Variants in SLC2A10 observed in about 807,000 individuals in gnomAD.
SLC2A10 encodes solute carrier family 2, facilitated glucose transporter member 10.
A neutral mutation model predicts 32.1 loss-of-function variants in SLC2A10; 25 were observed. That is an observed-to-expected ratio of 0.78 (90% CI 0.57 to 1.09). The LOEUF (loss-of-function observed/expected upper bound fraction) is 1.09, where lower values mean the gene tolerates loss of function less well. Ranked by LOEUF, SLC2A10 falls within the 50% of genes least tolerant of loss-of-function variation. SLC2A10 has a pLI of 0.00. For synonymous variants in SLC2A10, 332 were observed against 309.6 expected (o/e 1.07, Z -0.76); for missense variants, 673 against 686.5 (o/e 0.98, Z 0.22).
At chr20:46,709,885 G>C in intron 1 of SLC2A10, 145 bp downstream of exon 1, 1 of 895,872 alleles carries the variant, frequency 1.1e-6, no homozygotes, top group South Asian at 1.5e-5. Flanking sequence ...TGGCCAGCCC[G>C]AGACTGCAGG....
At position 46,709,699 on chromosome 20, in the gene SLC2A10, C is replaced by G. The variant is rs894023957; in HGVS notation, c.-38C>G. The G allele has an allele frequency of 1.2e-5, 18 of 1,539,198 alleles. No individual in the cohort carries two copies. The highest frequency in any genetic ancestry group is 1.6e-5 in the Non-Finnish European group (18 of 1,143,238). On this transcript the variant is annotated 5_prime_UTR_variant, in exon 1 of 5. Coordinates refer to ENST00000359271, the MANE Select transcript of SLC2A10 (RefSeq NM_030777.4). The stretch of plus-strand genomic sequence containing the variant: ...TCCGGCGGGGGATGCGCGCCCGGCC[C>G]CTCAGCGCCCCCAGCACGCCGCCGA...
intron 1 of SLC2A10, among the ~76,000 whole-genome samples, chr20:46,720,692 C>T (rs1036066610): frequency 6.6e-6 from 1 of 152,168 alleles, no homozygotes; most frequent in African/African-American, 2.4e-5. Context: ...GTCATGTACT[C>T]AGGAATCTTT....
chr20:46,720,232 A>C (rs1186508112), intron 1 of SLC2A10, among the ~76,000 whole-genome samples: 2 of 152,186 alleles, frequency 1.3e-5, no homozygotes, highest in African/African-American at 4.8e-5. Flanking sequence ...GAAGCTTAAG[A>C]ATGTCTTTAA....
At chr20:46,717,198 G>C (rs1410534995) in intron 1 of SLC2A10, among the ~76,000 whole-genome samples, 1 of 152,002 alleles carries the variant, frequency 6.6e-6, no homozygotes, top group Non-Finnish European at 1.5e-5. Context: ...CATAGAAAAT[G>C]TAACACTCAG....
chr20:46,726,165 C>T lies in SLC2A10; in HGVS notation c.1129C>T (p.His377Tyr). 1.9e-6 allele frequency: 3 copies of T among 1,614,286 alleles called. No homozygotes were observed. Among genetic ancestry groups the T allele is most frequent in the Admixed American group, 1.7e-5 (1 of 60,038 alleles). Residue 377 changes from histidine (H) to tyrosine (Y), a missense_variant, in exon 2 of 5, where the codon CAT becomes TAT. Coordinates refer to ENST00000359271, the MANE Select transcript of SLC2A10 (RefSeq NM_030777.4). Reference protein sequence around the residue: ...ILSTAKKTKPHPRSGDPSAPP... With the variant: ...ILSTAKKTKPYPRSGDPSAPP... Reference sequence around the variant, plus strand: ...GTCCACTGCTAAGAAAACCAAGCCCCATCCCAGATCTGGAGACCCCTCAGC... The same window carrying T: ...GTCCACTGCTAAGAAAACCAAGCCCTATCCCAGATCTGGAGACCCCTCAGC...
chr20:46,725,798 C>T lies in SLC2A10; in HGVS notation c.762C>T (p.Ala254=). Residue 254 remains alanine, a synonymous_variant, in exon 2 of 5, where the codon GCC becomes GCT. Coordinates refer to ENST00000359271, the MANE Select transcript of SLC2A10 (RefSeq NM_030777.4). ...GGCAGCCCAACGTGCTGTGCTATGC[C>T]TCCACCATCTTCAGCTCCGTTGGTT... ...LTGQPNVLCY[A]STIFSSVGFH... 6.2e-7 allele frequency: 1 copy of T among 1,614,244 alleles called. No homozygotes were observed. Among genetic ancestry groups the T allele is most frequent in the Non-Finnish European group, 8.5e-7 (1 of 1,180,036 alleles).
chr20:46,709,748 C>A lies in SLC2A10; in HGVS notation c.4+8C>A. On this transcript the variant is annotated splice_region_variant and intron_variant, in intron 1 of 4. Coordinates refer to ENST00000359271, the MANE Select transcript of SLC2A10 (RefSeq NM_030777.4). ...GAGTCCCGCTCGCCATGGGTAAGTC[C>A]CGATCGGGCGCTGCCTGCTGGAAGC... 1 of 1,547,866 alleles carries A rather than the reference C, an allele frequency of 6.5e-7. No individual in the cohort carries two copies.
intron 1 of SLC2A10, among the ~76,000 whole-genome samples, chr20:46,713,897 T>C (rs1238478542): frequency 6.6e-6 from 1 of 152,116 alleles, no homozygotes; most frequent in Non-Finnish European, 1.5e-5. Context: ...ATAAAGGAAC[T>C]TGCAGTGTGA....
At position 46,725,784 on chromosome 20, in the gene SLC2A10, G is replaced by A. The variant is rs759243623; in HGVS notation, c.748G>A (p.Val250Met). 4 of 1,614,220 alleles carry A rather than the reference G, an allele frequency of 2.5e-6. No individual in the cohort carries two copies. Among genetic ancestry groups the A allele is most frequent in the East Asian group, 2.2e-5 (1 of 44,882 alleles). Reference protein sequence around the residue: ...LFQQLTGQPNVLCYASTIFSS... With the variant: ...LFQQLTGQPNMLCYASTIFSS... ...CCAGCAACTAACAGGGCAGCCCAAC[G>A]TGCTGTGCTATGCCTCCACCATCTT... The change falls in exon 2 of 5, where the codon GTG becomes ATG. Residue 250 changes from valine (V) to methionine (M), a missense_variant. By Grantham distance (21) the Val-to-Met change is conservative. Coordinates refer to ENST00000359271, the MANE Select transcript of SLC2A10 (RefSeq NM_030777.4).
chr20:46,720,916 A>G (rs563423719), intron 1 of SLC2A10, among the ~76,000 whole-genome samples: 1 of 152,312 alleles, frequency 6.6e-6, no homozygotes, highest in African/African-American at 2.4e-5. Flanking sequence ...ATCTTCTAAT[A>G]ATAATCATCT....
Position 46,709,754 on chromosome 20 carries a change from G to T in SLC2A10, c.4+14G>T, listed in dbSNP as rs750912876. The T allele has an allele frequency of 1.9e-6, 3 of 1,547,530 alleles. No homozygotes were observed. Among genetic ancestry groups the T allele is most frequent in the Non-Finnish European group, 2.6e-6 (3 of 1,146,202 alleles). On this transcript the variant is annotated intron_variant, in intron 1 of 4. Transcript: ENST00000359271. ...CGCTCGCCATGGGTAAGTCCCGATC[G>T]GGCGCTGCCTGCTGGAAGCCCGACC...
At chr20:46,714,907 T>C (rs1372338787) in intron 1 of SLC2A10, among the ~76,000 whole-genome samples, 1 of 152,204 alleles carries the variant, frequency 6.6e-6, no homozygotes, top group Non-Finnish European at 1.5e-5. Context: ...TCCTGAGAGC[T>C]CTTTCCCCTC....
chr20:46,726,099 C>T lies in SLC2A10; in HGVS notation c.1063C>T (p.Pro355Ser). 1 of 1,614,272 alleles carries T rather than the reference C, an allele frequency of 6.2e-7. No individual in the cohort carries two copies. Among genetic ancestry groups the T allele is most frequent in the Non-Finnish European group, 8.5e-7 (1 of 1,180,058 alleles). ...SGLLQDSSLP[P>S]IPRTNEDQRE... ...CCTGCTGCAGGACTCCTCTCTACCT[C>T]CCATTCCAAGGACCAATGAGGACCA... Residue 355 changes from proline (P) to serine (S), a missense_variant, in exon 2 of 5, where the codon CCC (proline) becomes TCC (serine). Coordinates refer to ENST00000359271, the MANE Select transcript of SLC2A10 (RefSeq NM_030777.4).
At chr20:46,723,312 C>T (rs1979664516) in intron 1 of SLC2A10, among the ~76,000 whole-genome samples, 1 of 152,142 alleles carries the variant, frequency 6.6e-6, no homozygotes, top group South Asian at 2.1e-4. Context: ...AGCTGTTTCC[C>T]TCCTCACCCT....
chr20:46,732,973 G>A (rs766005356), intron 4 of SLC2A10, among the ~76,000 whole-genome samples: 4 of 152,174 alleles, frequency 2.6e-5, no homozygotes, highest in Non-Finnish European at 5.9e-5. Context: ...TGGCCAAGGC[G>A]TGATGAGCAA....
chr20:46,710,877 C>CTT lies in SLC2A10; in HGVS notation c.4+1146_4+1147dup, dbSNP rs368986918. Among the ~76,000 whole-genome samples the CTT allele has an allele frequency of 4.0e-5, 6 of 149,844 alleles. No individual in the cohort carries two copies. In the East Asian group the frequency reaches 7.8e-4, roughly 20 times the overall value. The stretch of plus-strand genomic sequence containing the variant: ...GGGGCCGTGACCTGAATTATCTTTT[C>CTT]TTTTTTTTTTCTTTTTTTTGAGATG... On this transcript the variant is annotated intron_variant, in intron 1 of 4. Coordinates refer to ENST00000359271, the MANE Select transcript of SLC2A10 (RefSeq NM_030777.4).
rs890578209 is a variant in SLC2A10 at position 46,725,225 on chromosome 20, G to C, written c.189G>C (p.Leu63=). Residue 63 remains leucine, a synonymous_variant, in exon 2 of 5, where the codon CTG becomes CTC. Transcript: ENST00000359271. ...TCCTGGGGGCTCTCCTCGCCTCCCT[G>C]GTTGGTGGCTTCCTCATTGACTGCT... ...SLLLGALLAS[L]VGGFLIDCYG... The C allele has an allele frequency of 1.1e-5, 17 of 1,614,156 alleles. No homozygotes were observed. Among genetic ancestry groups the C allele is most frequent in the African/African-American group, 4.0e-5 (3 of 75,052 alleles).
At chr20:46,716,502 C>T (rs1979249154) in intron 1 of SLC2A10, among the ~76,000 whole-genome samples, 2 of 152,112 alleles carry the variant, frequency 1.3e-5, no homozygotes, top group Admixed American at 1.3e-4. Context: ...AGAAACTCTC[C>T]ATACATCTGG....
intron 1 of SLC2A10, among the ~76,000 whole-genome samples, chr20:46,718,263 T>G (rs952829130): frequency 1.3e-5 from 2 of 152,152 alleles, no homozygotes; most frequent in African/African-American, 4.8e-5. Context: ...CTTTTTCCTG[T>G]GTCTGTTCTT....
Sources: allele counts gnomAD v4.1 joint callset (sites outside exome capture counted in the v4.1 genomes callset), GRCh38; gene constraint gnomAD v4.1.1; transcripts MANE v1.5; gene names NCBI Gene and HGNC (gene_info 2026-07-23, HGNC 2026-07-21).